RASA2: variants seen among roughly 807,000 people sequenced by gnomAD.
The protein encoded by RASA2 is ras GTPase-activating protein 2.
In RASA2, 155 loss-of-function variants were observed where a neutral mutation model predicts 118.2. The observed-to-expected ratio is 1.31, with a 90% confidence interval of 1.15 to 1.50. RASA2 has a LOEUF of 1.50. Ranked by LOEUF, RASA2 falls within the 40% of genes most tolerant of loss-of-function variation. The pLI is 0.00. For synonymous variants in RASA2, 353 were observed against 349.1 expected (o/e 1.01, Z -0.12); for missense variants, 1,016 against 1,009.6 (o/e 1.01, Z -0.09).
At chr3:141,560,024 A>C (rs988552866) in intron 9 of RASA2, 29 bp downstream of exon 9, 1 of 1,541,918 alleles carries the variant, frequency 6.5e-7, no homozygotes, top group East Asian at 2.3e-5. Context: ...AGTGAACTCC[A>C]TAGTTTAATT....
At chr3:141,494,005 C>T (rs2081668894) in intron 1 of RASA2, among the ~76,000 whole-genome samples, 1 of 152,134 alleles carries the variant, frequency 6.6e-6, no homozygotes, top group African/African-American at 2.4e-5. Flanking sequence ...GAGAGATCTG[C>T]CTTATTTTTT....
At chr3:141,491,738 T>A (rs1362755796) in intron 1 of RASA2, among the ~76,000 whole-genome samples, 4 of 152,190 alleles carry the variant, frequency 2.6e-5, no homozygotes, top group Non-Finnish European at 5.9e-5. Context: ...AAAGATTAAA[T>A]TTTTCTTAAT....
chr3:141,553,834 A>G (rs755371413), intron 5 of RASA2, 23 bp from the exon 6 acceptor site: 2 of 1,596,392 alleles, frequency 1.3e-6, no homozygotes, highest in Non-Finnish European at 1.7e-6. Flanking sequence ...CTAATATGTT[A>G]AATCTCTTTT....
intron 19 of RASA2, among the ~76,000 whole-genome samples, chr3:141,594,766 A>G (rs939886317): frequency 1.7e-4 from 26 of 152,208 alleles, no homozygotes; most frequent in Admixed American, 5.2e-4. Context: ...GAAATGCTAA[A>G]GGAAATTCTT....
chr3:141,584,188 G>A (rs1013311905), intron 17 of RASA2, among the ~76,000 whole-genome samples: 2 of 151,666 alleles, frequency 1.3e-5, no homozygotes, highest in Non-Finnish European at 1.5e-5. Flanking sequence ...AAAATTAGCC[G>A]GGCATGGTGG....
chr3:141,518,904 C>T (rs1381312331), intron 3 of RASA2, among the ~76,000 whole-genome samples: 3 of 152,042 alleles, frequency 2.0e-5, no homozygotes, highest in Non-Finnish European at 4.4e-5. Context: ...TTCCCCATAT[C>T]ATTAATATTT....
intron 11 of RASA2, among the ~76,000 whole-genome samples, chr3:141,572,392 A>G (rs2082938533): frequency 1.3e-5 from 2 of 152,110 alleles, no homozygotes; most frequent in Admixed American, 6.6e-5. Flanking sequence ...ACACCTGGCC[A>G]TTATTTTAAT....
At chr3:141,512,001 A>G (rs2081958280) in intron 1 of RASA2, among the ~76,000 whole-genome samples, 162 bp from the exon 2 acceptor site, 1 of 152,042 alleles carries the variant, frequency 6.6e-6, no homozygotes. Context: ...TTCAGTCTTA[A>G]CAATCTCCTT....
At chr3:141,535,838 C>T (rs2082318807) in intron 4 of RASA2, among the ~76,000 whole-genome samples, 1 of 152,158 alleles carries the variant, frequency 6.6e-6, no homozygotes, top group African/African-American at 2.4e-5. Flanking sequence ...CATGATCTGA[C>T]ACCTCCCACT....
At chr3:141,505,325 A>T (rs1294908367) in intron 1 of RASA2, among the ~76,000 whole-genome samples, 1 of 152,206 alleles carries the variant, frequency 6.6e-6, no homozygotes, top group Non-Finnish European at 1.5e-5. Flanking sequence ...TTGTTGAGTG[A>T]AATGCAACAA....
intron 5 of RASA2, among the ~76,000 whole-genome samples, chr3:141,543,147 G>T (rs566477583): frequency 6.6e-6 from 1 of 151,438 alleles, no homozygotes; most frequent in Non-Finnish European, 1.5e-5. Flanking sequence ...ACACTTTTTA[G>T]AATTCCATTT....
chr3:141,494,432 G>A (rs1291683654), intron 1 of RASA2, among the ~76,000 whole-genome samples: 1 of 152,184 alleles, frequency 6.6e-6, no homozygotes, highest in Non-Finnish European at 1.5e-5. Context: ...ACCAGGGCAC[G>A]ATCTTGGCTC....
In RASA2 at chr3:141,601,150, G is replaced by A. The variant is rs577097861; in HGVS notation, c.1934-6528G>A. On this transcript the variant is annotated intron_variant, in intron 19 of 23. Transcript: ENST00000286364. Reference sequence around the variant, plus strand: ...AAATTTAATTTAAGATGATGGGGCCGGGCACAGTGGCTCACACCTGTACCC... The same window carrying A: ...AAATTTAATTTAAGATGATGGGGCCAGGCACAGTGGCTCACACCTGTACCC... Among the ~76,000 whole-genome samples, 5 of 152,238 alleles carry A rather than the reference G, an allele frequency of 3.3e-5. No individual in the cohort carries two copies. The East Asian group carries it at 5.8e-4, about 18-fold the overall frequency.
chr3:141,609,056 TTAAA>T (rs1267145769), intron 21 of RASA2, among the ~76,000 whole-genome samples: 2 of 152,198 alleles, frequency 1.3e-5, no homozygotes, highest in Admixed American at 1.3e-4. Context: ...AAGGCAATGT[TTAAA>T]TAGAAGCATG....
intron 1 of RASA2, among the ~76,000 whole-genome samples, chr3:141,499,468 C>T (rs187561396): frequency 5.0e-4 from 76 of 152,308 alleles, no homozygotes; most frequent in Non-Finnish European, 9.0e-4. Flanking sequence ...CACTGAGTCT[C>T]GGCTAGCCAC....
At chr3:141,593,077 C>T (rs981475884) in intron 19 of RASA2, among the ~76,000 whole-genome samples, 6 of 152,088 alleles carry the variant, frequency 3.9e-5, no homozygotes, top group Non-Finnish European at 7.4e-5. Context: ...GATGGAGTTT[C>T]ACTCTTGTTG....
chr3:141,513,567 A>G (rs1157064467), intron 2 of RASA2, among the ~76,000 whole-genome samples: 1 of 152,210 alleles, frequency 6.6e-6, no homozygotes, highest in Non-Finnish European at 1.5e-5. Flanking sequence ...TATTTGACTA[A>G]TAGTTCTTTT....
chr3:141,543,579 AGAGT>A (rs1004803125), intron 5 of RASA2, among the ~76,000 whole-genome samples: 2 of 151,986 alleles, frequency 1.3e-5, no homozygotes, highest in Non-Finnish European at 2.9e-5. Flanking sequence ...ACATTCTTTT[AGAGT>A]AAGTCTCTTG....
At chr3:141,511,335 C>A (rs559221679) in intron 1 of RASA2, among the ~76,000 whole-genome samples, 1 of 151,860 alleles carries the variant, frequency 6.6e-6, no homozygotes, top group Admixed American at 6.6e-5. Context: ...ATCTGGGAGG[C>A]GTTCGCATTA....
Sources: gnomAD v4.1 joint callset for allele counts (sites outside exome capture counted in the v4.1 genomes callset) on GRCh38, gnomAD v4.1.1 for gene constraint, MANE v1.5 for transcripts, NCBI Gene and HGNC (gene_info 2026-07-23, HGNC 2026-07-21) for gene names.